ATRNL1: variants seen among roughly 807,000 people sequenced by gnomAD.
ATRNL1 encodes the protein attractin like 1, also known as attractin-like protein 1.
In ATRNL1, 95 loss-of-function variants were observed where a neutral mutation model predicts 182.7. That is an observed-to-expected ratio of 0.52 (90% CI 0.44 to 0.62). The LOEUF (loss-of-function observed/expected upper bound fraction) is 0.62, where lower values mean the gene tolerates loss of function less well. ATRNL1 is among the 20% of genes least tolerant of loss of function. The pLI, the probability that ATRNL1 is intolerant of heterozygous loss-of-function variation, is 0.00. For missense variants in ATRNL1, 1,471 were observed against 1,679.5 expected, an observed-to-expected ratio of 0.88 and a Z score of 2.17; for synonymous variants, 576 against 568.3, an observed-to-expected ratio of 1.01 and a Z score of -0.19.
chr10:115,733,097 G>T (rs191897022), intron 27 of ATRNL1, among the ~76,000 whole-genome samples: 14 of 152,020 alleles, frequency 9.2e-5, no homozygotes, highest in African/African-American at 3.1e-4. Context: ...TGCTAATAAA[G>T]TAACAGTTCT....
chr10:115,806,032 G>C (rs1555085588), intron 27 of ATRNL1, among the ~76,000 whole-genome samples: 1 of 152,066 alleles, frequency 6.6e-6, no homozygotes, highest in Non-Finnish European at 1.5e-5. Context: ...AGTTTATACA[G>C]TCTCTTGCTT....
chr10:115,588,715 T>C (rs781820415), intron 26 of ATRNL1, among the ~76,000 whole-genome samples: 79 of 152,280 alleles, frequency 5.2e-4, no homozygotes, highest in Non-Finnish European at 5.0e-4. Context: ...TTGGTGTGGG[T>C]ATATTCTTAT....
chr10:115,818,286 G>T (rs1023267571), intron 27 of ATRNL1, among the ~76,000 whole-genome samples: 1 of 151,084 alleles, frequency 6.6e-6, no homozygotes, highest in Admixed American at 6.6e-5. Context: ...TTTATGAAAA[G>T]GTATAGACTT....
At chr10:115,175,181 A>G (rs1435839171) in intron 8 of ATRNL1, among the ~76,000 whole-genome samples, 2 of 152,012 alleles carry the variant, frequency 1.3e-5, no homozygotes, top group Non-Finnish European at 2.9e-5. Context: ...TATAGTTTAT[A>G]ATTCACAGTT....
At chr10:115,308,549 T>A (rs1554926914) in intron 17 of ATRNL1, among the ~76,000 whole-genome samples, 1 of 152,132 alleles carries the variant, frequency 6.6e-6, no homozygotes, top group African/African-American at 2.4e-5. Context: ...TTCTTACAGA[T>A]TGATTTTTTA....
chr10:115,472,027 A>G (rs767823097), intron 24 of ATRNL1, among the ~76,000 whole-genome samples: 1 of 151,064 alleles, frequency 6.6e-6, no homozygotes, highest in African/African-American at 2.4e-5. Flanking sequence ...ATTTTTGTGT[A>G]TGGTATAAAG....
chr10:115,116,638 T>C (rs1554870045), intron 1 of ATRNL1, among the ~76,000 whole-genome samples: 7 of 152,058 alleles, frequency 4.6e-5, no homozygotes, highest in Non-Finnish European at 2.9e-5. Context: ...GAAGGAGAAT[T>C]GTTCTTTCTT....
At chr10:115,712,879 A>G (rs943802023) in intron 26 of ATRNL1, among the ~76,000 whole-genome samples, 6 of 147,858 alleles carry the variant, frequency 4.1e-5, no homozygotes, top group Admixed American at 2.1e-4. Flanking sequence ...AAAAAAAAAA[A>G]GAAAAAAAAA....
intron 8 of ATRNL1, among the ~76,000 whole-genome samples, chr10:115,173,914 T>G: frequency 6.9e-6 from 1 of 145,696 alleles, no homozygotes; most frequent in African/African-American, 2.5e-5. Context: ...TTTTTTTTTT[T>G]GTAAATTTTC....
At chr10:115,372,937 A>G (rs1015914109) in intron 19 of ATRNL1, among the ~76,000 whole-genome samples, 1 of 152,120 alleles carries the variant, frequency 6.6e-6, no homozygotes, top group Non-Finnish European at 1.5e-5. Flanking sequence ...GGATTGCATT[A>G]TACCAGTAGA....
intron 19 of ATRNL1, among the ~76,000 whole-genome samples, chr10:115,384,177 C>A (rs1554951983): frequency 6.6e-6 from 1 of 151,852 alleles, no homozygotes; most frequent in Non-Finnish European, 1.5e-5. Context: ...TTTCTCAATT[C>A]CCTACCAAGG....
At chr10:115,387,000 A>G (rs1387362331) in intron 19 of ATRNL1, among the ~76,000 whole-genome samples, 2 of 152,038 alleles carry the variant, frequency 1.3e-5, no homozygotes, top group African/African-American at 2.4e-5. Context: ...CACAATAGCA[A>G]AGACTTGGAA....
rs116046887 is a variant in ATRNL1 at position 115,844,058 on chromosome 10, G to A, written c.3904-3819G>A. Among the ~76,000 whole-genome samples the A allele has an allele frequency of 1.0e-2, 1,516 of 152,176 alleles. 31 individuals are homozygous for A. Among genetic ancestry groups the A allele is most frequent in the African/African-American group, 0.035 (1,441 of 41,552 alleles). ...TATAGTAAGTGCTTAATAAATGTTA[G>A]CTATTATTACTGTGTTACCCACCTG... is the stretch of plus-strand genomic sequence containing the variant. On this transcript the variant is annotated intron_variant, in intron 27 of 28. Transcript: ENST00000355044.
At chr10:115,459,649 G>A (rs1192075102) in intron 21 of ATRNL1, among the ~76,000 whole-genome samples, 7 of 151,994 alleles carry the variant, frequency 4.6e-5, no homozygotes, top group East Asian at 3.9e-4. Flanking sequence ...TTTTAATTTC[G>A]CCTTGGTCCT....
chr10:115,403,257 CTTTTTTT>C (rs59256867), intron 20 of ATRNL1, among the ~76,000 whole-genome samples: 1 of 107,468 alleles, frequency 9.3e-6, no homozygotes, highest in Admixed American at 9.1e-5. Context: ...TTACTCTCAT[CTTTTTTT>C]TTTTTTTTTT....
At chr10:115,798,264 T>A (rs1949706718) in intron 27 of ATRNL1, among the ~76,000 whole-genome samples, 1 of 152,112 alleles carries the variant, frequency 6.6e-6, no homozygotes, top group Admixed American at 6.5e-5. Context: ...TTTCCCCACA[T>A]CACTAATCTT....
chr10:115,103,387 G>C (rs1262065446), intron 1 of ATRNL1, among the ~76,000 whole-genome samples: 1 of 152,000 alleles, frequency 6.6e-6, no homozygotes, highest in Non-Finnish European at 1.5e-5. Flanking sequence ...TAAGGCTATT[G>C]TAGTTGGTAG....
At chr10:115,528,035 T>C (rs35090489) in intron 25 of ATRNL1, among the ~76,000 whole-genome samples, 41 of 53,140 alleles carry the variant, frequency 7.7e-4, no homozygotes, top group African/African-American at 2.0e-3. Context: ...CCCTCCTTCC[T>C]TTCTTCCTTC....
chr10:115,580,892 A>G (rs1555007091), intron 26 of ATRNL1, among the ~76,000 whole-genome samples: 1 of 151,872 alleles, frequency 6.6e-6, no homozygotes, highest in Non-Finnish European at 1.5e-5. Flanking sequence ...TTTCTGTTTG[A>G]TGCATTTTAA....
Sources: allele counts gnomAD v4.1 joint callset (sites outside exome capture counted in the v4.1 genomes callset), GRCh38; gene constraint gnomAD v4.1.1; transcripts MANE v1.5; gene names NCBI Gene and HGNC (gene_info 2026-07-23, HGNC 2026-07-21).